PDE10A: variants seen among roughly 807,000 people sequenced by gnomAD.
PDE10A encodes cAMP and cAMP-inhibited cGMP 3',5'-cyclic phosphodiesterase 10A.
PDE10A carries 39 observed loss-of-function variants against 97.7 expected under a neutral mutation model. The observed-to-expected ratio is 0.40, with a 90% CI of 0.31 to 0.52. PDE10A has a LOEUF of 0.52. PDE10A is among the 20% of genes least tolerant of loss of function. The pLI, the probability that PDE10A is intolerant of heterozygous loss-of-function variation, is 0.56. For missense variants in PDE10A, 731 were observed against 1,047.8 expected (o/e 0.70, Z 4.17); for synonymous variants, 371 against 376.8 (o/e 0.98, Z 0.18).
chr6:165,488,144 G>A (rs1780026339), intron 2 of PDE10A, among the ~76,000 whole-genome samples: 1 of 151,794 alleles, frequency 6.6e-6, no homozygotes, highest in African/African-American at 2.4e-5. Context: ...ACCACTGTGT[G>A]CCAGGAACTT....
chr6:165,341,626 A>G (rs941234117), intron 19 of PDE10A, among the ~76,000 whole-genome samples: 1 of 152,150 alleles, frequency 6.6e-6, no homozygotes, highest in Non-Finnish European at 1.5e-5. Context: ...TTATGTTAAC[A>G]TGGCGGCAAC....
intron 1 of PDE10A, among the ~76,000 whole-genome samples, chr6:165,958,177 G>A (rs1385815919): frequency 6.6e-6 from 1 of 152,120 alleles, no homozygotes; most frequent in Non-Finnish European, 1.5e-5. Flanking sequence ...ATCTGCCACA[G>A]TCTGTGAGCA....
chr6:165,936,600 G>T (rs185002520), intron 1 of PDE10A, among the ~76,000 whole-genome samples: 1 of 152,280 alleles, frequency 6.6e-6, no homozygotes, highest in African/African-American at 2.4e-5. Context: ...CAGGCAGGGT[G>T]GTGGGAATGG....
intron 1 of PDE10A, among the ~76,000 whole-genome samples, chr6:165,917,218 A>G (rs1314192926): frequency 1.3e-5 from 2 of 152,168 alleles, no homozygotes; most frequent in African/African-American, 4.8e-5. Flanking sequence ...TTGCATTTTA[A>G]AGAAAACCCT....
intron 1 of PDE10A, among the ~76,000 whole-genome samples, chr6:165,697,724 G>A (rs1791473688): frequency 6.6e-6 from 1 of 152,226 alleles, no homozygotes; most frequent in Non-Finnish European, 1.5e-5. Flanking sequence ...GGGGCGATTG[G>A]AAGTACTTAA....
At chr6:165,426,509 A>G (rs1261989044) in intron 10 of PDE10A, among the ~76,000 whole-genome samples, 1 of 152,180 alleles carries the variant, frequency 6.6e-6, no homozygotes. Context: ...TATAAGAGTT[A>G]AAAACCCTAC....
chr6:165,965,223 C>T (rs140535792), intron 1 of PDE10A, among the ~76,000 whole-genome samples: 12 of 152,182 alleles, frequency 7.9e-5, no homozygotes, highest in South Asian at 2.1e-4. Flanking sequence ...GTAGGTGCCC[C>T]GAGGAGAGGG....
intron 1 of PDE10A, among the ~76,000 whole-genome samples, chr6:165,650,824 A>C (rs1583716155): frequency 6.6e-6 from 1 of 150,778 alleles, no homozygotes. Context: ...TGCAACCTCC[A>C]CCCCCTGGGT....
intron 1 of PDE10A, among the ~76,000 whole-genome samples, chr6:165,750,051 G>A (rs570571181): frequency 1.3e-5 from 2 of 152,236 alleles, no homozygotes; most frequent in Non-Finnish European, 1.5e-5. Context: ...GTTGAACAGG[G>A]GGTATGTGAG....
intron 1 of PDE10A, among the ~76,000 whole-genome samples, chr6:165,573,217 A>G (rs1292625351): frequency 6.6e-6 from 1 of 151,602 alleles, no homozygotes; most frequent in African/African-American, 2.4e-5. Context: ...AGAATAATGT[A>G]CTGCGCAGAC....
intron 13 of PDE10A, among the ~76,000 whole-genome samples, chr6:165,411,074 GAGACTCCGCCTCAAAAAAAAAAAAAAAA>G (rs1787767924): frequency 1.2e-5 from 1 of 85,160 alleles, no homozygotes; most frequent in African/African-American, 6.1e-5. Flanking sequence ...GCAACAGAGC[GAGACTCCGCCTCAAAAAAAAAAAAAAAA>G]AAAAAAAGAA....
chr6:165,383,831 G>A (rs554604082), intron 17 of PDE10A, among the ~76,000 whole-genome samples: 1 of 152,176 alleles, frequency 6.6e-6, no homozygotes, highest in Non-Finnish European at 1.5e-5. Flanking sequence ...TGTAAAAGGG[G>A]GCAGTGCTGT....
chr6:165,674,697 AG>A (rs1790746209), intron 1 of PDE10A, among the ~76,000 whole-genome samples: 1 of 152,228 alleles, frequency 6.6e-6, no homozygotes. Context: ...AGAAGCTGCT[AG>A]CAGCTCAAAA....
At position 165,678,642 on chromosome 6, in the gene PDE10A, G is replaced by A. The variant is rs115876341; in HGVS notation, c.-614-135074C>T. The stretch of plus-strand genomic sequence containing the variant: ...TGCCACCCGGTCCCCAGCCCGTGTC[G>A]CTGGCAGCATTCATCTCAAGCCTCT... On this transcript the variant is annotated intron_variant, in intron 1 of 19. Coordinates refer to the PDE10A transcript ENST00000366882. 1.5e-3 allele frequency among the ~76,000 whole-genome samples: 235 copies of A among 152,154 alleles called. 1 individual carries two copies. Among genetic ancestry groups the A allele is most frequent in the African/African-American group, 5.3e-3 (218 of 41,518 alleles).
chr6:165,473,565 T>C (rs373668145), intron 3 of PDE10A, among the ~76,000 whole-genome samples: 2 of 151,970 alleles, frequency 1.3e-5, no homozygotes, highest in African/African-American at 2.4e-5. Context: ...TTCTCAAAAA[T>C]ATAGAGGCCA....
At chr6:165,378,011 C>A (rs540729328) in intron 18 of PDE10A, among the ~76,000 whole-genome samples, 272 of 152,296 alleles carry the variant, frequency 1.8e-3, no homozygotes, top group African/African-American at 6.3e-3. Flanking sequence ...TAAATTGTAT[C>A]AGTTTCAAGC....
At position 165,795,597 on chromosome 6, in the gene PDE10A, CA is replaced by C. The variant is rs1186982980; in HGVS notation, c.-615+191931del. On this transcript the variant is annotated intron_variant, in intron 1 of 19. Coordinates refer to the PDE10A transcript ENST00000366882. ...AAAAACAAACAAACAAACAAACAAA[CA>C]AAAAAACCAGCAGACGCGGTGGTAG... Among the ~76,000 whole-genome samples the C allele has an allele frequency of 2.0e-5, 3 of 151,870 alleles. No homozygotes were observed. The East Asian group carries it at 5.8e-4, about 29-fold the overall frequency.
chr6:165,544,589 A>G (rs112014892), intron 1 of PDE10A, among the ~76,000 whole-genome samples: 1,864 of 146,770 alleles, frequency 0.013, 42 homozygotes, highest in African/African-American at 0.044. Flanking sequence ...AAAAAAAAAA[A>G]GCAATGAAAA....
intron 1 of PDE10A, among the ~76,000 whole-genome samples, chr6:165,861,899 CT>C (rs1414884156): frequency 1.3e-5 from 2 of 152,148 alleles, no homozygotes; most frequent in African/African-American, 4.8e-5. Flanking sequence ...TTGCTTTTGC[CT>C]GTTTTTAAGA....
Sources: gnomAD v4.1 joint callset for allele counts (sites outside exome capture counted in the v4.1 genomes callset) on GRCh38, gnomAD v4.1.1 for gene constraint, MANE v1.5 for transcripts, NCBI Gene and HGNC (gene_info 2026-07-23, HGNC 2026-07-21) for gene names.